The following AGTPBP1 variants were observed in gnomAD, a reference collection of about 807,000 sequenced individuals.
The protein encoded by AGTPBP1 is cytosolic carboxypeptidase 1.
In AGTPBP1, 70 loss-of-function variants were observed where a neutral mutation model predicts 143.9. The ratio of observed to expected loss-of-function variants is 0.49; its 90% CI spans 0.40 to 0.59. The LOEUF (loss-of-function observed/expected upper bound fraction) is 0.59, where lower values mean the gene tolerates loss of function less well. Among genes scored for constraint, AGTPBP1 ranks in the 20% least tolerant of loss-of-function variants. The pLI is 0.00. For synonymous variants in AGTPBP1, 463 were observed against 500.2 expected, an observed-to-expected ratio of 0.93 and a Z score of 0.99; for missense variants, 1,229 against 1,464.5, an observed-to-expected ratio of 0.84 and a Z score of 2.62.
the AGTPBP1 span, among the ~76,000 whole-genome samples, chr9:85,795,738 C>T: frequency 2.0e-5 from 3 of 151,648 alleles, no homozygotes; most frequent in Non-Finnish European, 2.9e-5. Context: ...TGCACTAATT[C>T]GTTTAGGATA....
intron 9 of AGTPBP1, among the ~76,000 whole-genome samples, chr9:85,659,544 C>G (rs939769213): frequency 1.3e-5 from 2 of 151,780 alleles, no homozygotes; most frequent in African/African-American, 4.8e-5. Context: ...TATGTTTGCC[C>G]ACCACCCTCA....
intron 25 of AGTPBP1, among the ~76,000 whole-genome samples, chr9:85,551,549 G>A (rs1826039032): frequency 6.6e-6 from 1 of 152,154 alleles, no homozygotes; most frequent in Non-Finnish European, 1.5e-5. Flanking sequence ...GTTTCCAGAA[G>A]GGCATGACAC....
At chr9:85,555,240 T>TA (rs1263971952) in intron 25 of AGTPBP1, among the ~76,000 whole-genome samples, 2 of 152,198 alleles carry the variant, frequency 1.3e-5, no homozygotes, top group Non-Finnish European at 2.9e-5. Context: ...GCAAAATTGC[T>TA]AAAAACCAGA....
intron 17 of AGTPBP1, among the ~76,000 whole-genome samples, chr9:85,601,419 G>C (rs1462796104): frequency 1.3e-5 from 2 of 152,168 alleles, no homozygotes; most frequent in East Asian, 3.9e-4. Flanking sequence ...GGAGCCTAGG[G>C]ATCACTCAGC....
At chr9:85,742,147 C>T, upstream of AGTPBP1, 2 of 589,954 alleles carry the variant, frequency 3.4e-6, no homozygotes, top group Non-Finnish European at 4.4e-6. Context: ...GCGCGCCTGA[C>T]GGGAGGGAGC....
At chr9:85,662,224 G>GCTCA (rs1833890510) in intron 8 of AGTPBP1, among the ~76,000 whole-genome samples, 1 of 152,116 alleles carries the variant, frequency 6.6e-6, no homozygotes, top group Non-Finnish European at 1.5e-5. Flanking sequence ...CAGGGTAAGT[G>GCTCA]CTCAACAAAT....
chr9:85,755,773 C>T, the AGTPBP1 span, among the ~76,000 whole-genome samples: 3 of 152,224 alleles, frequency 2.0e-5, no homozygotes, highest in East Asian at 1.9e-4. Context: ...GAGTAAAATA[C>T]TCCAGCATGT....
At chr9:85,639,367 G>GCACACACACA (rs60915473) in intron 13 of AGTPBP1, among the ~76,000 whole-genome samples, 50 of 147,328 alleles carry the variant, frequency 3.4e-4, no homozygotes, top group Middle Eastern at 7.1e-3. Context: ...GCGCGCACGC[G>GCACACACACA]CACACACACA....
intron 13 of AGTPBP1, among the ~76,000 whole-genome samples, chr9:85,637,576 T>C (rs182774242): frequency 1.4e-3 from 219 of 152,314 alleles, no homozygotes; most frequent in Admixed American, 2.5e-3. Context: ...TGCTGTATGA[T>C]TCAATTTATA....
At chr9:85,786,080 T>C in the AGTPBP1 span, 3 of 1,456,794 alleles carry the variant, frequency 2.1e-6, no homozygotes, top group Non-Finnish European at 2.8e-6. Context: ...TCTAATTTTT[T>C]GGTTTGGGGA....
At chr9:85,631,202 C>A (rs1001352209) in intron 14 of AGTPBP1, among the ~76,000 whole-genome samples, 1 of 152,170 alleles carries the variant, frequency 6.6e-6, no homozygotes, top group Non-Finnish European at 1.5e-5. Flanking sequence ...GGACTTCTAA[C>A]CCTGGAGAGC....
chr9:85,752,131 G>T, the AGTPBP1 span, among the ~76,000 whole-genome samples: 4 of 152,068 alleles, frequency 2.6e-5, no homozygotes, highest in African/African-American at 7.2e-5. Context: ...CAGCTACTCA[G>T]GAGGCTGAAG....
chr9:85,604,211 G>A (rs1270247029), intron 17 of AGTPBP1, among the ~76,000 whole-genome samples: 2 of 152,194 alleles, frequency 1.3e-5, no homozygotes, highest in Non-Finnish European at 2.9e-5. Context: ...TAGTACCAGC[G>A]GTGGTGGCCA....
At chr9:85,548,665 GTTTT>G (rs779748206) in intron 25 of AGTPBP1, among the ~76,000 whole-genome samples, 4 of 141,312 alleles carry the variant, frequency 2.8e-5, no homozygotes, top group Admixed American at 1.4e-4. Flanking sequence ...TTTGGCTTTG[GTTTT>G]TTTTTGTTTT....
At chr9:85,734,981 G>C (rs900838758) in intron 1 of AGTPBP1, among the ~76,000 whole-genome samples, 1 of 152,154 alleles carries the variant, frequency 6.6e-6, no homozygotes, top group Non-Finnish European at 1.5e-5. Flanking sequence ...GTTGCAGTGA[G>C]CTGAGATCGC....
At chr9:85,574,711 CTT>C (rs568128403) in intron 25 of AGTPBP1, among the ~76,000 whole-genome samples, 20 of 141,950 alleles carry the variant, frequency 1.4e-4, no homozygotes, top group Non-Finnish European at 1.5e-4. Flanking sequence ...GACTCTAAGC[CTT>C]TTTTTTTTTT....
chr9:85,799,325 C>T, the AGTPBP1 span, among the ~76,000 whole-genome samples: 9,790 of 152,094 alleles, frequency 0.064, 1,035 homozygotes, highest in African/African-American at 0.22. Context: ...GCATGATTTA[C>T]AATTCTTTGG....
chr9:85,670,015 G>T (rs1768244048), intron 7 of AGTPBP1, among the ~76,000 whole-genome samples: 1 of 152,250 alleles, frequency 6.6e-6, no homozygotes, highest in East Asian at 1.9e-4. Context: ...TAGACTATTT[G>T]GATTACACCA....
the AGTPBP1 span, among the ~76,000 whole-genome samples, chr9:85,751,768 G>A: frequency 8.4e-3 from 1,282 of 152,020 alleles, 19 homozygotes; most frequent in African/African-American, 0.029. Flanking sequence ...GCACACGCCC[G>A]GCTAATTTTT....
Sources: gnomAD v4.1 joint callset for allele counts (sites outside exome capture counted in the v4.1 genomes callset) on GRCh38, gnomAD v4.1.1 for gene constraint, MANE v1.5 for transcripts, NCBI Gene and HGNC (gene_info 2026-07-23, HGNC 2026-07-21) for gene names.